Variants in CRTAC1 observed in about 807,000 individuals in gnomAD.
CRTAC1 encodes the protein cartilage acidic protein 1, also known as acidic secreted protein in cartilage.
A neutral mutation model predicts 67.8 loss-of-function variants in CRTAC1; 37 were observed. The ratio of observed to expected loss-of-function variants is 0.55; its 90% CI spans 0.42 to 0.72. The LOEUF is 0.72. Among genes scored for constraint, CRTAC1 ranks in the 30% least tolerant of loss-of-function variants. CRTAC1 has a pLI of 0.00. For missense variants in CRTAC1, 780 were observed against 931.6 expected (o/e 0.84, Z 2.12); for synonymous variants, 348 against 371.0 (o/e 0.94, Z 0.71).
intron 2 of CRTAC1, among the ~76,000 whole-genome samples, chr10:97,985,015 G>A (rs1393642309): frequency 1.3e-5 from 2 of 152,216 alleles, no homozygotes; most frequent in Non-Finnish European, 2.9e-5. Context: ...CTGTAATTGG[G>A]TGCATGTCAG....
At chr10:97,914,201 C>G (rs1052091204) in intron 5 of CRTAC1, among the ~76,000 whole-genome samples, 1 of 152,176 alleles carries the variant, frequency 6.6e-6, no homozygotes, top group Non-Finnish European at 1.5e-5. Context: ...TGCCGCTGGC[C>G]ATGCCCAGGA....
chr10:97,943,706 C>A (rs766725451), intron 2 of CRTAC1, among the ~76,000 whole-genome samples: 2 of 152,224 alleles, frequency 1.3e-5, no homozygotes, highest in Non-Finnish European at 2.9e-5. Flanking sequence ...GCCTGTGGGC[C>A]AAATGGTCTG....
Position 98,005,100 on chromosome 10 carries a change from A to ATATATTTTT in CRTAC1, c.224+6037_224+6038insAAAAATATA. Among the ~76,000 whole-genome samples, 21 of 48,884 alleles carry ATATATTTTT rather than the reference A, an allele frequency of 4.3e-4. 1 individual carries two copies. The highest frequency in any genetic ancestry group is 2.2e-3 in the African/African-American group (19 of 8,688). The allele number at this position is 48,884 out of a possible 152,430, so 32.1% of individuals were successfully genotyped here. On this transcript the variant is annotated intron_variant, in intron 2 of 14. Transcript: ENST00000370597. ...GTAATACATATATATATATATATAT[A>ATATATTTTT]TTTTTTTTTTTTTTTTTTTTTGAGA...
intron 1 of CRTAC1, among the ~76,000 whole-genome samples, chr10:98,027,040 C>G (rs193060971): frequency 0.011 from 1,650 of 151,928 alleles, 29 homozygotes; most frequent in African/African-American, 0.034. Context: ...AGTGGCGGGC[C>G]CCTGTAGTCC....
chr10:97,960,666 C>A (rs764547583), intron 2 of CRTAC1, among the ~76,000 whole-genome samples: 1 of 152,212 alleles, frequency 6.6e-6, no homozygotes, highest in Non-Finnish European at 1.5e-5. Flanking sequence ...CTGGACAGAG[C>A]CTTTCTTCCA....
At chr10:97,965,811 G>C (rs141041122) in intron 2 of CRTAC1, among the ~76,000 whole-genome samples, 3 of 152,344 alleles carry the variant, frequency 2.0e-5, no homozygotes, top group Non-Finnish European at 4.4e-5. Flanking sequence ...GCTCCTCAGT[G>C]AACTGGGGCA....
rs187712452 is a variant in CRTAC1, at chr10:97,910,046, G to A, written c.716-1899C>T. ...GAGAGTAGAATAGTGTTTACTAGGG[G>A]CTAGGGGTAGGGGTGTTGGGGAAAT... On this transcript the variant is annotated intron_variant, in intron 5 of 14. Transcript: ENST00000370597. 1.2e-4 allele frequency among the ~76,000 whole-genome samples: 19 copies of A among 152,096 alleles called. No homozygotes were observed. The East Asian group carries it at 3.5e-3, about 28-fold the overall frequency.
rs1010380728 is a variant in CRTAC1, at chr10:97,865,615, G to A, written c.1919C>T (p.Pro640Leu). The change falls in exon 15 of 15, where the codon CCG (proline) becomes CTG (leucine). Residue 640 changes from proline (P) to leucine (L), a missense_variant. By Grantham distance (98) the Pro-to-Leu change is moderately conservative. Coordinates refer to ENST00000370597, the MANE Select transcript of CRTAC1 (RefSeq NM_018058.7). ...AAAAGAATAAPVLVDGDLNLG... is the reference protein window; with the variant it reads ...AAAAGAATAALVLVDGDLNLG... ...ATTGAGATCTCCATCTACGAGGACC[G>A]GTGCAGCAGTGGCAGCTCCAGCAGC... 2.9e-5 allele frequency: 47 copies of A among 1,613,492 alleles called. No homozygotes were observed. The highest frequency in any genetic ancestry group is 3.6e-5 in the Non-Finnish European group (43 of 1,179,598).
At chr10:97,877,456 G>A (rs1408595468) in intron 14 of CRTAC1, among the ~76,000 whole-genome samples, 1 of 146,452 alleles carries the variant, frequency 6.8e-6, no homozygotes, top group Non-Finnish European at 1.5e-5. Context: ...CACACAGTAG[G>A]GGCTCAACAA....
At chr10:97,884,490 A>G in intron 11 of CRTAC1, 139 bp from the exon 12 acceptor site, 1 of 819,992 alleles carries the variant, frequency 1.2e-6, no homozygotes. Flanking sequence ...ATGGTGAACA[A>G]GACAGATTTG....
At chr10:97,880,821 G>T (rs1403137824) in intron 13 of CRTAC1, among the ~76,000 whole-genome samples, 1 of 151,938 alleles carries the variant, frequency 6.6e-6, no homozygotes, top group African/African-American at 2.4e-5. Flanking sequence ...CCCATATTCT[G>T]GCCCTCTGTT....
rs2051450294 is a variant in CRTAC1, at chr10:97,956,927, C to T, written c.225-20561G>A. Among the ~76,000 whole-genome samples the T allele has an allele frequency of 3.3e-5, 5 of 152,152 alleles. No homozygotes were observed. The Middle Eastern group carries it at 0.01, about 311-fold the overall frequency. On this transcript the variant is annotated intron_variant, in intron 2 of 14. Transcript: ENST00000370597. ...GCTCAAGTGATCCTCCCACCTCAGC[C>T]TCCCAGGTGTTTGGGACTTCAGTCA...
intron 2 of CRTAC1, among the ~76,000 whole-genome samples, chr10:98,003,308 T>A (rs1842728156): frequency 1.3e-5 from 2 of 152,234 alleles, no homozygotes; most frequent in Admixed American, 1.3e-4. Context: ...CTTAATGGCT[T>A]ACAACAATAC....
intron 2 of CRTAC1, among the ~76,000 whole-genome samples, chr10:98,010,295 C>G (rs1178741461): frequency 6.6e-6 from 1 of 152,172 alleles, no homozygotes; most frequent in East Asian, 1.9e-4. Context: ...CCATCTCGGC[C>G]TCCTAAAGTG....
In CRTAC1 at chr10:97,895,711, G is replaced by A. The variant is rs998067116; in HGVS notation, c.1317+174C>T. 6.6e-6 allele frequency among the ~76,000 whole-genome samples: 1 copy of A among 152,190 alleles called. No individual in the cohort carries two copies. Among genetic ancestry groups the A allele is most frequent in the East Asian group, 1.9e-4 (1 of 5,156 alleles). On this transcript the variant is annotated intron_variant, in intron 10 of 14. Coordinates refer to ENST00000370597, the MANE Select transcript of CRTAC1 (RefSeq NM_018058.7). This position sits in a 1 kb window ranked among gnomAD's most constrained non-coding sequence, Gnocchi z 4.2. The stretch of plus-strand genomic sequence containing the variant: ...GAGAGGCAAGGGCTTCTCCCAAGGC[G>A]GCCCTTCCTGAGCTTCCCGGTGCTG...
chr10:98,004,038 C>T (rs1383249490), intron 2 of CRTAC1, among the ~76,000 whole-genome samples: 1 of 151,952 alleles, frequency 6.6e-6, no homozygotes, highest in African/African-American at 2.4e-5. Context: ...AAGCCCTGGC[C>T]CCTGATCCAA....
At chr10:97,885,105 A>G (rs2050263317) in intron 11 of CRTAC1, among the ~76,000 whole-genome samples, 1 of 152,212 alleles carries the variant, frequency 6.6e-6, no homozygotes, top group African/African-American at 2.4e-5. Flanking sequence ...AAGTAGGGCA[A>G]GTAGGTAAGG....
intron 14 of CRTAC1, chr10:97,879,608 C>G: frequency 6.7e-7 from 1 of 1,500,396 alleles, no homozygotes; most frequent in East Asian, 2.5e-5. Flanking sequence ...GAGAGAGAGA[C>G]AAGCAGCAGG....
At chr10:98,013,889 C>G (rs1842951971) in intron 1 of CRTAC1, among the ~76,000 whole-genome samples, 1 of 152,134 alleles carries the variant, frequency 6.6e-6, no homozygotes, top group Admixed American at 6.5e-5. Context: ...CCTGAACTCA[C>G]CCAGCATGAG....
Sources: gnomAD v4.1 joint callset for allele counts (sites outside exome capture counted in the v4.1 genomes callset) on GRCh38, gnomAD v4.1.1 for gene constraint, Gnocchi (gnomAD v3.1) non-coding constraint, MANE v1.5 for transcripts, NCBI Gene and HGNC (gene_info 2026-07-23, HGNC 2026-07-21) for gene names.